Variants in PIBF1 observed in about 807,000 individuals in gnomAD.
The protein encoded by PIBF1 is progesterone immunomodulatory binding factor 1.
PIBF1 carries 90 observed loss-of-function variants against 112.5 expected under a neutral mutation model. That is an observed-to-expected ratio of 0.80 (90% CI 0.67 to 0.95). PIBF1 has a LOEUF of 0.95. Among genes scored for constraint, PIBF1 ranks in the 40% least tolerant of loss-of-function variants. The probability of loss-of-function intolerance (pLI) is 0.00; values close to 1 mark genes in which losing one functional copy is unlikely to be tolerated. For synonymous variants in PIBF1, 301 were observed against 288.6 expected, an observed-to-expected ratio of 1.04 and a Z score of -0.44; for missense variants, 915 against 852.3, an observed-to-expected ratio of 1.07 and a Z score of -0.92.
chr13:73,011,656 C>T (rs1253524644), intron 17 of PIBF1, among the ~76,000 whole-genome samples: 1 of 152,124 alleles, frequency 6.6e-6, no homozygotes, highest in African/African-American at 2.4e-5. Flanking sequence ...TCCAGAGGCA[C>T]ACTCTAACTG....
At chr13:72,833,031 GTTATC>G (rs2037193914) in intron 8 of PIBF1, among the ~76,000 whole-genome samples, 1 of 152,088 alleles carries the variant, frequency 6.6e-6, no homozygotes, top group African/African-American at 2.4e-5. Flanking sequence ...TTCAGTCATT[GTTATC>G]TTTTCTTCCA....
At chr13:72,875,592 C>T (rs960202719) in intron 10 of PIBF1, among the ~76,000 whole-genome samples, 2 of 152,282 alleles carry the variant, frequency 1.3e-5, no homozygotes, top group Non-Finnish European at 2.9e-5. Flanking sequence ...CATATCTTTG[C>T]CAGCATTTGG....
intron 13 of PIBF1, among the ~76,000 whole-genome samples, chr13:72,925,194 T>G (rs1248777798): frequency 6.6e-6 from 1 of 152,212 alleles, no homozygotes; most frequent in East Asian, 1.9e-4. Flanking sequence ...GTTCACTATG[T>G]AAGAAATACA....
intron 9 of PIBF1, among the ~76,000 whole-genome samples, chr13:72,853,697 A>T (rs955374398): frequency 1.3e-5 from 2 of 152,200 alleles, no homozygotes; most frequent in Non-Finnish European, 2.9e-5. Context: ...AAAATATTTT[A>T]TGGGACATTT....
At chr13:72,853,054 A>T in intron 9 of PIBF1, among the ~76,000 whole-genome samples, 1 of 143,734 alleles carries the variant, frequency 7.0e-6, no homozygotes, top group Non-Finnish European at 1.5e-5. Context: ...CTAGAGAAGG[A>T]GATTTAAAAA....
intron 16 of PIBF1, among the ~76,000 whole-genome samples, chr13:72,983,265 A>C (rs1325083581): frequency 6.7e-6 from 1 of 149,824 alleles, no homozygotes; most frequent in Admixed American, 6.7e-5. Context: ...GCACCACTGC[A>C]CTCCAGCCTG....
intron 5 of PIBF1, among the ~76,000 whole-genome samples, chr13:72,814,999 A>G (rs2036199203): frequency 6.6e-6 from 1 of 152,214 alleles, no homozygotes; most frequent in Non-Finnish European, 1.5e-5. Flanking sequence ...TACAACTGAT[A>G]AAATTACCAA....
intron 15 of PIBF1, among the ~76,000 whole-genome samples, chr13:72,970,281 A>G (rs2042854150): frequency 6.6e-6 from 1 of 152,180 alleles, no homozygotes; most frequent in South Asian, 2.1e-4. Context: ...TTAAAGTAAT[A>G]CTTTATTATA....
intron 9 of PIBF1, chr13:72,836,003 G>A (rs2037342716): frequency 2.8e-6 from 1 of 356,414 alleles, no homozygotes; most frequent in African/African-American, 2.2e-5. Flanking sequence ...GGAGGCTGAG[G>A]CAGGAGAATG....
chr13:72,967,658 G>A (rs566584746), intron 15 of PIBF1, among the ~76,000 whole-genome samples: 129 of 152,294 alleles, frequency 8.5e-4, no homozygotes, highest in African/African-American at 3.0e-3. Flanking sequence ...GTATCATAGT[G>A]ATTAAAAGTA....
At chr13:72,985,773 G>T (rs1305334114) in intron 16 of PIBF1, among the ~76,000 whole-genome samples, 1 of 152,104 alleles carries the variant, frequency 6.6e-6, no homozygotes, top group Non-Finnish European at 1.5e-5. Flanking sequence ...AGTGCTCTAA[G>T]TGGAGGATAG....
At chr13:72,873,559 C>T (rs1323567961) in intron 10 of PIBF1, among the ~76,000 whole-genome samples, 2 of 151,954 alleles carry the variant, frequency 1.3e-5, no homozygotes, top group African/African-American at 2.4e-5. Context: ...TGCGTCGCCA[C>T]GCCCGGCTAA....
chr13:72,931,718 GTA>G (rs3077704), intron 14 of PIBF1, among the ~76,000 whole-genome samples: 15,542 of 101,916 alleles, frequency 0.15, 1,428 homozygotes, highest in East Asian at 0.22. Context: ...TTTAAACTAC[GTA>G]TATATATATA....
intron 6 of PIBF1, among the ~76,000 whole-genome samples, chr13:72,824,557 T>C (rs1052369499): frequency 1.3e-4 from 20 of 152,318 alleles, no homozygotes; most frequent in African/African-American, 4.8e-4. Context: ...GTAATAAATA[T>C]ATCCTTTTTG....
intron 14 of PIBF1, among the ~76,000 whole-genome samples, chr13:72,959,771 T>C (rs1019412816): frequency 6.6e-6 from 1 of 152,340 alleles, no homozygotes; most frequent in Non-Finnish European, 1.5e-5. Flanking sequence ...CTGAATCATA[T>C]GTACAGGTTA....
At chr13:72,929,379 G>A (rs2041633828) in intron 13 of PIBF1, among the ~76,000 whole-genome samples, 1 of 151,828 alleles carries the variant, frequency 6.6e-6, no homozygotes, top group African/African-American at 2.4e-5. Context: ...GGGAAATGAA[G>A]AACAATATAG....
chr13:72,988,998 A>G (rs369804028), intron 16 of PIBF1, among the ~76,000 whole-genome samples: 3 of 152,196 alleles, frequency 2.0e-5, no homozygotes, highest in East Asian at 3.8e-4. Context: ...AAATCATGCC[A>G]CTGCACTCCA....
At chr13:72,934,322 A>G (rs951876076) in intron 14 of PIBF1, among the ~76,000 whole-genome samples, 2 of 152,118 alleles carry the variant, frequency 1.3e-5, no homozygotes, top group African/African-American at 2.4e-5. Flanking sequence ...TTTTTGAGAC[A>G]GAGTCTCGCT....
chr13:72,951,248 A>G (rs2042288588), intron 14 of PIBF1, among the ~76,000 whole-genome samples: 2 of 152,072 alleles, frequency 1.3e-5, no homozygotes, highest in South Asian at 4.2e-4. Context: ...GGTTATTTTT[A>G]ATAATTGCCT....
Sources: gnomAD v4.1 joint callset for allele counts (sites outside exome capture counted in the v4.1 genomes callset) on GRCh38, gnomAD v4.1.1 for gene constraint, MANE v1.5 for transcripts, NCBI Gene and HGNC (gene_info 2026-07-23, HGNC 2026-07-21) for gene names.